TRERF1: variants seen among roughly 807,000 people sequenced by gnomAD.
The protein encoded by TRERF1 is transcriptional regulating factor 1.
Under a neutral mutation model 122.9 loss-of-function variants are expected in TRERF1, and 27 were observed. The observed-to-expected ratio is 0.22, with a 90% CI of 0.16 to 0.30. TRERF1 has a LOEUF of 0.30. TRERF1 is among the 10% of genes least tolerant of loss of function. The pLI is 1.00. For missense variants in TRERF1, 1,248 were observed against 1,560.3 expected, an observed-to-expected ratio of 0.80 and a Z score of 3.37; for synonymous variants, 636 against 641.7, an observed-to-expected ratio of 0.99 and a Z score of 0.13.
rs754229978 is a variant in TRERF1, at chr6:42,442,940, G to A, written c.-454+8237C>T. Among the ~76,000 whole-genome samples, 26 of 152,066 alleles carry A rather than the reference G, an allele frequency of 1.7e-4. 1 individual carries two copies. Among genetic ancestry groups the A allele is most frequent in the Non-Finnish European group, 2.6e-4 (18 of 68,030 alleles). ...TTTATATTTTCCAATTTTACTTCTC[G>A]AGCCTCAGTTTCCTCAGCTATAAAA... On this transcript the variant is annotated intron_variant, in intron 2 of 17. Coordinates refer to ENST00000372922, the Ensembl canonical transcript of TRERF1.
At chr6:42,441,330 G>T (rs190151330) in intron 2 of TRERF1, among the ~76,000 whole-genome samples, 133 of 152,300 alleles carry the variant, frequency 8.7e-4, no homozygotes, top group Admixed American at 5.9e-3. Flanking sequence ...TTGCTCAAAG[G>T]GGGGAAGGAG....
At chr6:42,432,399 TA>T (rs1419885393) in intron 2 of TRERF1, among the ~76,000 whole-genome samples, 1 of 152,212 alleles carries the variant, frequency 6.6e-6, no homozygotes, top group African/African-American at 2.4e-5. Flanking sequence ...AAAATATGAA[TA>T]AAATGCTTCA....
chr6:42,329,558 T>C (rs1764876530), intron 3 of TRERF1, among the ~76,000 whole-genome samples: 1 of 152,116 alleles, frequency 6.6e-6, no homozygotes, highest in Non-Finnish European at 1.5e-5. Context: ...GATCACAACC[T>C]GGAACTCAGT....
intron 3 of TRERF1, among the ~76,000 whole-genome samples, chr6:42,303,776 T>G (rs1224920332): frequency 3.3e-5 from 5 of 150,566 alleles, no homozygotes; most frequent in African/African-American, 4.9e-5. Flanking sequence ...ATTAGCCAGG[T>G]GTGGTGGTTT....
At chr6:42,266,816 A>G (rs1043676470) in intron 5 of TRERF1, among the ~76,000 whole-genome samples, 1 of 152,236 alleles carries the variant, frequency 6.6e-6, no homozygotes, top group African/African-American at 2.4e-5. Flanking sequence ...ACCGGCCTGC[A>G]GACATGTTTG....
At chr6:42,451,837 G>C (rs1185831088) in intron 1 of TRERF1, among the ~76,000 whole-genome samples, 2 of 151,644 alleles carry the variant, frequency 1.3e-5, no homozygotes, top group African/African-American at 4.9e-5. Flanking sequence ...AATTTGCAGC[G>C]CCGGGCTGCG....
In TRERF1 at chr6:42,372,992, T is replaced by G. The variant is rs182068587; in HGVS notation, c.-453-9913A>C. Reference sequence around the variant, plus strand: ...GGGTAGCTTGCTAACCTCTCTCAGCTCCACATTTTTCCTCAGTAACAGGAT... The same window carrying G: ...GGGTAGCTTGCTAACCTCTCTCAGCGCCACATTTTTCCTCAGTAACAGGAT... On this transcript the variant is annotated intron_variant, in intron 2 of 17. Transcript: ENST00000372922. Among the ~76,000 whole-genome samples, 491 of 152,310 alleles carry G rather than the reference T, an allele frequency of 3.2e-3. 1 individual carries two copies. Among genetic ancestry groups the G allele is most frequent in the Non-Finnish European group, 6.0e-3 (410 of 68,034 alleles).
intron 4 of TRERF1, among the ~76,000 whole-genome samples, chr6:42,285,101 T>C (rs1782960215): frequency 6.6e-6 from 1 of 152,252 alleles, no homozygotes; most frequent in South Asian, 2.1e-4. Flanking sequence ...TATTGAGTTC[T>C]TCCTACCCAT....
chr6:42,352,249 C>A (rs1266343925), intron 3 of TRERF1, among the ~76,000 whole-genome samples: 1 of 152,204 alleles, frequency 6.6e-6, no homozygotes, highest in Non-Finnish European at 1.5e-5. Context: ...CTAGCCTCGA[C>A]TTGCCAAAGT....
At chr6:42,327,627 G>A (rs956444501) in intron 3 of TRERF1, among the ~76,000 whole-genome samples, 9 of 152,310 alleles carry the variant, frequency 5.9e-5, no homozygotes, top group South Asian at 2.1e-4. Flanking sequence ...TAAGGTTAAC[G>A]TGAGGATCAA....
At chr6:42,325,166 G>A (rs148903223) in intron 3 of TRERF1, among the ~76,000 whole-genome samples, 33 of 152,232 alleles carry the variant, frequency 2.2e-4, no homozygotes, top group African/African-American at 7.2e-4. Context: ...GCTCAACATC[G>A]CTAATCATCA....
chr6:42,362,554 T>A (rs1026143606), intron 3 of TRERF1, among the ~76,000 whole-genome samples: 7 of 152,226 alleles, frequency 4.6e-5, no homozygotes, highest in Non-Finnish European at 1.0e-4. Context: ...GAAGGGATCA[T>A]GAGGCCAGAC....
chr6:42,361,625 T>G (rs1242044375), intron 3 of TRERF1, among the ~76,000 whole-genome samples: 2 of 152,202 alleles, frequency 1.3e-5, no homozygotes, highest in African/African-American at 4.8e-5. Flanking sequence ...CCGGCACATC[T>G]ACGTAGCTGA....
rs145505806 is a variant in TRERF1, at chr6:42,280,559, C to T, written c.-258-10711G>A. On this transcript the variant is annotated intron_variant, in intron 4 of 17. Coordinates refer to ENST00000372922, the Ensembl canonical transcript of TRERF1. ...AGGAAGAAGCCTCTATGCCCTGCAG[C>T]CCTCGGGGTTCAGCCCAGCCACTTG... 6.2e-3 allele frequency among the ~76,000 whole-genome samples: 946 copies of T among 152,316 alleles called. 11 individuals carry two copies. Among genetic ancestry groups the T allele is most frequent in the Non-Finnish European group, 7.9e-3 (536 of 68,022 alleles).
chr6:42,362,784 G>A (rs1552795), intron 3 of TRERF1, among the ~76,000 whole-genome samples: 5,666 of 152,150 alleles, frequency 0.037, 272 homozygotes, highest in East Asian at 0.23. Context: ...GACACCCTCC[G>A]CCCCATTCCA....
chr6:42,434,262 C>T (rs969257539), intron 2 of TRERF1, among the ~76,000 whole-genome samples: 6 of 151,918 alleles, frequency 3.9e-5, no homozygotes, highest in African/African-American at 7.3e-5. Context: ...GAAGACAATG[C>T]TTCAAGAATT....
chr6:42,236,662 AAAG>A (rs1772298713), intron 15 of TRERF1, among the ~76,000 whole-genome samples: 1 of 152,168 alleles, frequency 6.6e-6, no homozygotes, highest in African/African-American at 2.4e-5. Flanking sequence ...TCACTTATAT[AAAG>A]ATATGGTGAG....
chr6:42,298,135 T>A (rs1469397626), intron 4 of TRERF1, among the ~76,000 whole-genome samples: 1 of 151,838 alleles, frequency 6.6e-6, no homozygotes, highest in East Asian at 1.9e-4. Flanking sequence ...AAGATAGTTG[T>A]TGTTTTTTTT....
chr6:42,402,343 G>C (rs1271111239), intron 2 of TRERF1, among the ~76,000 whole-genome samples: 1 of 152,176 alleles, frequency 6.6e-6, no homozygotes, highest in Non-Finnish European at 1.5e-5. Context: ...CTCATCTATT[G>C]CAGCCACCAT....
Sources: allele counts gnomAD v4.1 joint callset (sites outside exome capture counted in the v4.1 genomes callset), GRCh38; gene constraint gnomAD v4.1.1; transcripts MANE v1.5; gene names NCBI Gene and HGNC (gene_info 2026-07-23, HGNC 2026-07-21).